LPP: variants seen among roughly 807,000 people sequenced by gnomAD.
LPP encodes the protein LIM domain containing preferred translocation partner in lipoma, also known as lipoma-preferred partner.
LPP carries 38 observed loss-of-function variants against 60.4 expected under a neutral mutation model. That is an observed-to-expected ratio of 0.63 (90% CI 0.49 to 0.83). The LOEUF is 0.83. LPP is among the 40% of genes least tolerant of loss of function. The probability of loss-of-function intolerance (pLI) is 0.00; values close to 1 mark genes in which losing one functional copy is unlikely to be tolerated. For synonymous variants in LPP, 328 were observed against 290.8 expected (o/e 1.13, Z -1.30); for missense variants, 902 against 783.6 (o/e 1.15, Z -1.80).
chr3:188,254,395 C>T (rs1730954163), intron 2 of LPP, among the ~76,000 whole-genome samples: 1 of 152,126 alleles, frequency 6.6e-6, no homozygotes, highest in African/African-American at 2.4e-5. Context: ...ACTCCCCAAC[C>T]CCTGTTAAAA....
chr3:188,764,521 G>A (rs1733390853), intron 9 of LPP, among the ~76,000 whole-genome samples: 1 of 152,018 alleles, frequency 6.6e-6, no homozygotes, highest in Non-Finnish European at 1.5e-5. Context: ...TAAATGTCAT[G>A]GAAGGAATAT....
At chr3:188,586,767 C>T (rs1378978680) in intron 6 of LPP, among the ~76,000 whole-genome samples, 2 of 146,490 alleles carry the variant, frequency 1.4e-5, no homozygotes, top group East Asian at 2.0e-4. Flanking sequence ...CTCGCTCTGT[C>T]GCCAGGCTGG....
At chr3:188,716,597 A>C (rs151049276) in intron 8 of LPP, among the ~76,000 whole-genome samples, 1 of 152,210 alleles carries the variant, frequency 6.6e-6, no homozygotes, top group African/African-American at 2.4e-5. Flanking sequence ...TTGAAAGACT[A>C]TCATGTGGAA....
chr3:188,213,262 G>A (rs1349121352), intron 1 of LPP, among the ~76,000 whole-genome samples: 1 of 152,170 alleles, frequency 6.6e-6, no homozygotes, highest in Non-Finnish European at 1.5e-5. Flanking sequence ...CAGCATCCAC[G>A]GTCTGGAATA....
intron 7 of LPP, among the ~76,000 whole-genome samples, chr3:188,640,252 G>C (rs1001769018): frequency 2.0e-5 from 3 of 151,216 alleles, no homozygotes; most frequent in African/African-American, 7.3e-5. Flanking sequence ...ATCATTCTCA[G>C]TAAGCTATCG....
rs1028202109 is a variant in LPP, at chr3:188,561,088, G to A, written c.429+36301G>A. On this transcript the variant is annotated intron_variant, in intron 6 of 11. Coordinates refer to ENST00000617246, the MANE Select transcript of LPP (RefSeq NM_001375462.1). ...ATGTCTGTGCACTCATTAGTCCCTA[G>A]ACAAATCTGGTTTTTCTTGCATGAG... 4.6e-5 allele frequency among the ~76,000 whole-genome samples: 7 copies of A among 152,176 alleles called. 1 individual carries two copies. In the South Asian group the frequency reaches 1.5e-3, roughly 32 times the overall value.
At chr3:188,561,493 G>A (rs554234943) in intron 6 of LPP, among the ~76,000 whole-genome samples, 1 of 152,136 alleles carries the variant, frequency 6.6e-6, no homozygotes. Context: ...TCTCAAAAAT[G>A]TAAGGAAACA....
intron 1 of LPP, among the ~76,000 whole-genome samples, chr3:188,207,378 C>T (rs1348269270): frequency 3.3e-5 from 5 of 151,726 alleles, no homozygotes; most frequent in Admixed American, 3.3e-4. Flanking sequence ...ATTACAGGCA[C>T]ACACCACCAC....
intron 10 of LPP, among the ~76,000 whole-genome samples, chr3:188,869,196 A>C (rs902866234): frequency 3.3e-5 from 5 of 152,374 alleles, no homozygotes; most frequent in African/African-American, 9.6e-5. Flanking sequence ...TAACTAGAGC[A>C]GCCTGGGAGT....
intron 5 of LPP, among the ~76,000 whole-genome samples, chr3:188,523,724 T>A (rs1819660672): frequency 6.6e-6 from 1 of 152,250 alleles, no homozygotes; most frequent in African/African-American, 2.4e-5. Flanking sequence ...GATTAGATTA[T>A]TGTAACTTTC....
At chr3:188,652,211 C>T (rs904966583) in intron 7 of LPP, among the ~76,000 whole-genome samples, 1 of 152,200 alleles carries the variant, frequency 6.6e-6, no homozygotes, top group African/African-American at 2.4e-5. Flanking sequence ...GTTTTTGCCA[C>T]TGACATTATT....
At chr3:188,446,741 T>A (rs1404953919) in intron 4 of LPP, among the ~76,000 whole-genome samples, 1 of 152,212 alleles carries the variant, frequency 6.6e-6, no homozygotes, top group Non-Finnish European at 1.5e-5. Flanking sequence ...CTAACATCTA[T>A]GTTTTCAACA....
At chr3:188,849,098 C>T (rs1041566121) in intron 9 of LPP, among the ~76,000 whole-genome samples, 4 of 152,172 alleles carry the variant, frequency 2.6e-5, no homozygotes, top group Admixed American at 6.5e-5. Flanking sequence ...CCGTGGTGAG[C>T]GAGGCCCAGC....
chr3:188,179,804 C>T (rs1045362013), intron 1 of LPP: 6 of 304,374 alleles, frequency 2.0e-5, no homozygotes, highest in Non-Finnish European at 3.2e-5. Context: ...TCTTCCTCCT[C>T]TTTCATTCAG....
intron 7 of LPP, among the ~76,000 whole-genome samples, chr3:188,675,645 C>G (rs1033795355): frequency 2.0e-5 from 3 of 152,190 alleles, no homozygotes; most frequent in African/African-American, 4.8e-5. Flanking sequence ...TGTAACCGTT[C>G]AGGCCCCAAA....
chr3:188,652,389 C>G (rs1852270220), intron 7 of LPP, among the ~76,000 whole-genome samples: 1 of 152,066 alleles, frequency 6.6e-6, no homozygotes, highest in Non-Finnish European at 1.5e-5. Context: ...TGATACCAGC[C>G]TATAGATCCT....
chr3:188,761,600 T>G (rs1242963301), intron 9 of LPP, among the ~76,000 whole-genome samples: 1 of 152,222 alleles, frequency 6.6e-6, no homozygotes, highest in African/African-American at 2.4e-5. Flanking sequence ...CGACTTCGTA[T>G]GACCTATCAT....
intron 8 of LPP, among the ~76,000 whole-genome samples, chr3:188,758,359 C>T (rs1353272840): frequency 6.6e-6 from 1 of 152,100 alleles, no homozygotes; most frequent in African/African-American, 2.4e-5. Flanking sequence ...TGGGGTTTCA[C>T]CATGTTGACC....
At chr3:188,580,660 C>T (rs1468621991) in intron 6 of LPP, among the ~76,000 whole-genome samples, 1 of 152,092 alleles carries the variant, frequency 6.6e-6, no homozygotes, top group Non-Finnish European at 1.5e-5. Context: ...AACATCAGCA[C>T]CCCTTATGAA....
Sources: gnomAD v4.1 joint callset for allele counts (sites outside exome capture counted in the v4.1 genomes callset) on GRCh38, gnomAD v4.1.1 for gene constraint, MANE v1.5 for transcripts, NCBI Gene and HGNC (gene_info 2026-07-23, HGNC 2026-07-21) for gene names.